Variants in NBEA observed in about 807,000 individuals in gnomAD.
The protein encoded by NBEA is lysosomal-trafficking regulator 2.
In NBEA, 44 loss-of-function variants were observed where a neutral mutation model predicts 343.4. That is an observed-to-expected ratio of 0.13 (90% confidence interval 0.10 to 0.16). The LOEUF (loss-of-function observed/expected upper bound fraction) is 0.16, where lower values mean the gene tolerates loss of function less well. Among genes scored for constraint, NBEA ranks in the 10% least tolerant of loss-of-function variants. The pLI is 1.00. For missense variants in NBEA, 2,555 were observed against 3,631.3 expected (o/e 0.70, Z 7.62); for synonymous variants, 1,175 against 1,238.7 (o/e 0.95, Z 1.08).
intron 41 of NBEA, among the ~76,000 whole-genome samples, chr13:35,512,769 C>T (rs2077326641): frequency 6.6e-6 from 1 of 152,202 alleles, no homozygotes; most frequent in African/African-American, 2.4e-5. Flanking sequence ...AAACCACGGA[C>T]TATTGGCAAA....
intron 46 of NBEA, among the ~76,000 whole-genome samples, chr13:35,586,219 G>GACA (rs1400586867): frequency 6.6e-6 from 1 of 152,060 alleles, no homozygotes; most frequent in Non-Finnish European, 1.5e-5. Flanking sequence ...CTAGTTTGTA[G>GACA]GTCTTCCTTA....
chr13:35,202,119 T>C (rs2073063580), intron 31 of NBEA, among the ~76,000 whole-genome samples: 1 of 152,164 alleles, frequency 6.6e-6, no homozygotes, highest in South Asian at 2.1e-4. Flanking sequence ...TTTGCCTTGC[T>C]AGGTTTTTAC....
At chr13:34,965,431 A>T (rs1213405764) in intron 1 of NBEA, among the ~76,000 whole-genome samples, 1 of 152,026 alleles carries the variant, frequency 6.6e-6, no homozygotes, top group Non-Finnish European at 1.5e-5. Flanking sequence ...TATTTGAAGC[A>T]GTTGGGAAAG....
intron 51 of NBEA, among the ~76,000 whole-genome samples, chr13:35,649,334 T>A (rs1383769382): frequency 6.6e-6 from 1 of 152,228 alleles, no homozygotes; most frequent in Non-Finnish European, 1.5e-5. Context: ...TGCATAACTG[T>A]GTTACGTCAT....
intron 27 of NBEA, among the ~76,000 whole-genome samples, chr13:35,174,999 G>A (rs1175459036): frequency 6.6e-6 from 1 of 151,816 alleles, no homozygotes; most frequent in Non-Finnish European, 1.5e-5. Flanking sequence ...CACCACATTG[G>A]CCAGGATGGT....
In NBEA at chr13:35,309,899, C is replaced by T. The variant is rs549956329; in HGVS notation, c.5903+307C>T. 4.1e-3 allele frequency among the ~76,000 whole-genome samples: 618 copies of T among 152,224 alleles called. 4 individuals carry two copies. The highest frequency in any genetic ancestry group is 0.014 in the African/African-American group (598 of 41,534). On this transcript the variant is annotated intron_variant, in intron 36 of 58. Transcript: ENST00000379939. ...GAACCCAATCTGCAATCCCATCTGC[C>T]ACTCCATCTGTTTTCAGAGCAGTGC...
intron 36 of NBEA, among the ~76,000 whole-genome samples, chr13:35,345,136 T>C (rs2039801460): frequency 1.3e-5 from 2 of 152,218 alleles, no homozygotes; most frequent in African/African-American, 4.8e-5. Context: ...TTTATCACAT[T>C]AAAAGTGAAA....
chr13:34,994,961 A>G (rs143135541), intron 1 of NBEA, among the ~76,000 whole-genome samples: 2 of 152,316 alleles, frequency 1.3e-5, no homozygotes, highest in African/African-American at 2.4e-5. Context: ...TTGAAACACA[A>G]GGTCAGTCAG....
intron 39 of NBEA, among the ~76,000 whole-genome samples, chr13:35,442,378 T>C (rs1301682218): frequency 6.6e-6 from 1 of 152,152 alleles, no homozygotes; most frequent in Non-Finnish European, 1.5e-5. Context: ...TAATGAAATC[T>C]CATTTTAAAT....
chr13:35,073,776 C>CA (rs1383726250), intron 10 of NBEA, among the ~76,000 whole-genome samples: 1 of 151,802 alleles, frequency 6.6e-6, no homozygotes, highest in Admixed American at 6.6e-5. Context: ...CTCGTTTCTA[C>CA]AAAAAAATAG....
At chr13:35,494,233 A>G (rs2076596531) in intron 41 of NBEA, among the ~76,000 whole-genome samples, 1 of 151,998 alleles carries the variant, frequency 6.6e-6, no homozygotes, top group Non-Finnish European at 1.5e-5. Context: ...TTGAGGAATT[A>G]CAGAGACAGT....
At chr13:35,433,746 T>C (rs2045260445) in intron 39 of NBEA, among the ~76,000 whole-genome samples, 1 of 152,006 alleles carries the variant, frequency 6.6e-6, no homozygotes, top group South Asian at 2.1e-4. Context: ...AAATAGCACC[T>C]AAGGATAATA....
At chr13:35,436,458 C>T (rs912267899) in intron 39 of NBEA, among the ~76,000 whole-genome samples, 1 of 152,198 alleles carries the variant, frequency 6.6e-6, no homozygotes, top group Non-Finnish European at 1.5e-5. Flanking sequence ...CGCCTGTAAT[C>T]CCAGCACTTT....
At chr13:35,512,936 G>A (rs1011628514) in intron 41 of NBEA, among the ~76,000 whole-genome samples, 1 of 152,096 alleles carries the variant, frequency 6.6e-6, no homozygotes, top group African/African-American at 2.4e-5. Flanking sequence ...ATTTTTCTAA[G>A]TTGTGCTTTG....
chr13:35,551,069 T>A (rs773504013), intron 43 of NBEA, 37 bp downstream of exon 43: 12 of 1,194,258 alleles, frequency 1.0e-5, no homozygotes, highest in Non-Finnish European at 1.5e-5. Flanking sequence ...TATGGCTTGT[T>A]AACATATTTC....
chr13:35,071,915 GGTCT>G (rs1368049503), intron 10 of NBEA, among the ~76,000 whole-genome samples: 9 of 151,958 alleles, frequency 5.9e-5, no homozygotes, highest in African/African-American at 2.2e-4. Flanking sequence ...CCCGTCTATG[GGTCT>G]TGCCTTCTTT....
intron 36 of NBEA, among the ~76,000 whole-genome samples, chr13:35,328,822 G>A (rs1285919102): frequency 2.0e-5 from 3 of 149,914 alleles, no homozygotes; most frequent in Non-Finnish European, 4.4e-5. Context: ...AAAATTTTCT[G>A]TGAAAATACG....
chr13:35,479,165 ATTTAG>A (rs2076016150), intron 41 of NBEA, among the ~76,000 whole-genome samples: 1 of 152,246 alleles, frequency 6.6e-6, no homozygotes, highest in African/African-American at 2.4e-5. Flanking sequence ...AAGTGAAGTC[ATTTAG>A]TTTAAAGGAC....
At chr13:35,464,336 C>T (rs1484990473) in intron 40 of NBEA, among the ~76,000 whole-genome samples, 1 of 152,150 alleles carries the variant, frequency 6.6e-6, no homozygotes, top group Non-Finnish European at 1.5e-5. Flanking sequence ...ATTTACTGCT[C>T]ATTTACACCT....
Sources: allele counts gnomAD v4.1 joint callset (sites outside exome capture counted in the v4.1 genomes callset), GRCh38; gene constraint gnomAD v4.1.1; transcripts MANE v1.5; gene names NCBI Gene and HGNC (gene_info 2026-07-23, HGNC 2026-07-21).